The following OTUD7A variants were observed in gnomAD, a reference collection of about 807,000 sequenced individuals.
OTUD7A encodes OTU domain-containing protein 7A.
In OTUD7A, 12 loss-of-function variants were observed where a neutral mutation model predicts 65.7. That is an observed-to-expected ratio of 0.18 (90% confidence interval 0.12 to 0.30). The LOEUF is 0.30. Among genes scored for constraint, OTUD7A ranks in the 10% least tolerant of loss-of-function variants. The probability of loss-of-function intolerance (pLI) is 1.00; values close to 1 mark genes in which losing one functional copy is unlikely to be tolerated. For synonymous variants in OTUD7A, 641 were observed against 586.3 expected (o/e 1.09, Z -1.35); for missense variants, 1,148 against 1,304.8 (o/e 0.88, Z 1.85).
intron 1 of OTUD7A, among the ~76,000 whole-genome samples, chr15:31,838,682 T>C (rs996181291): frequency 7.1e-6 from 1 of 141,412 alleles, no homozygotes; most frequent in African/African-American, 2.6e-5. Flanking sequence ...TCCTAAGTGA[T>C]CTTGAGGGAC....
intron 5 of OTUD7A, among the ~76,000 whole-genome samples, chr15:31,550,103 GAAAA>G (rs11413883): frequency 1.6e-5 from 2 of 127,230 alleles, no homozygotes; most frequent in Non-Finnish European, 1.6e-5. Context: ...CTGTCTCCAG[GAAAA>G]AAAAAAAAAA....
intron 8 of OTUD7A, among the ~76,000 whole-genome samples, chr15:31,510,615 T>C (rs1217551732): frequency 6.2e-5 from 1 of 16,056 alleles, no homozygotes; most frequent in African/African-American, 1.3e-4. Flanking sequence ...AACATACATA[T>C]GTATATCTAT....
chr15:31,809,706 G>A (rs12916029), intron 1 of OTUD7A, among the ~76,000 whole-genome samples: 2 of 152,016 alleles, frequency 1.3e-5, no homozygotes, highest in Non-Finnish European at 2.9e-5. Flanking sequence ...GATGGGTCAA[G>A]CCTTTACACC....
At position 31,484,767 on chromosome 15, in the gene OTUD7A, A is replaced by G. The variant is rs1238859372; in HGVS notation, c.1372-43T>C. ...GCCGGATCGAAGGTGGTTAGAGAAG[A>G]GCTGTCCACGCGCCAGCGAGGAAGA... On this transcript the variant is annotated intron_variant, in intron 12 of 12. Coordinates refer to ENST00000307050, the MANE Select transcript of OTUD7A (RefSeq NM_001382637.1). This position sits in a 1 kb window ranked among gnomAD's most constrained non-coding sequence, Gnocchi z 4.5. The G allele has an allele frequency of 6.3e-7, 1 of 1,577,624 alleles. No individual in the cohort carries two copies. Among genetic ancestry groups the G allele is most frequent in the South Asian group, 1.1e-5 (1 of 87,940 alleles).
intron 10 of OTUD7A, among the ~76,000 whole-genome samples, chr15:31,499,870 C>G (rs1210863858): frequency 7.2e-5 from 11 of 152,236 alleles, no homozygotes; most frequent in Non-Finnish European, 1.6e-4. Context: ...AGTGAAACCA[C>G]CCACAACTCT....
intron 1 of OTUD7A, among the ~76,000 whole-genome samples, chr15:31,682,404 A>G (rs1302457775): frequency 6.6e-6 from 1 of 152,238 alleles, no homozygotes; most frequent in Non-Finnish European, 1.5e-5. Context: ...AAATCTATAT[A>G]GAAAGATAAA....
chr15:31,578,636 C>CT (rs1416414353), intron 3 of OTUD7A, among the ~76,000 whole-genome samples: 9 of 152,034 alleles, frequency 5.9e-5, no homozygotes, highest in Non-Finnish European at 1.3e-4. Context: ...ACTGCAATCT[C>CT]TGCCTCCCAG....
chr15:31,846,813 T>C (rs1237287030), intron 1 of OTUD7A, among the ~76,000 whole-genome samples: 1 of 152,250 alleles, frequency 6.6e-6, no homozygotes, highest in Non-Finnish European at 1.5e-5. Flanking sequence ...TTTTTTCGCA[T>C]ATATGATTAT....
At chr15:31,649,356 T>C (rs572437866) in intron 3 of OTUD7A, among the ~76,000 whole-genome samples, 4 of 152,334 alleles carry the variant, frequency 2.6e-5, no homozygotes, top group South Asian at 4.1e-4. Flanking sequence ...CTTTCTCTTA[T>C]TGGCCTCCCT....
intron 1 of OTUD7A, among the ~76,000 whole-genome samples, chr15:31,661,179 G>A (rs1892153704): frequency 6.6e-6 from 1 of 152,196 alleles, no homozygotes; most frequent in African/African-American, 2.4e-5. Flanking sequence ...CTCCTAGTAT[G>A]GAAAGATGGA....
At chr15:31,533,382 T>C (rs561113520) in intron 5 of OTUD7A, among the ~76,000 whole-genome samples, 16 of 152,032 alleles carry the variant, frequency 1.1e-4, no homozygotes, top group African/African-American at 3.9e-4. Context: ...GACACAGACA[T>C]GCACCACCAA....
chr15:31,577,819 TAA>T (rs36055987), intron 3 of OTUD7A, among the ~76,000 whole-genome samples: 5 of 141,174 alleles, frequency 3.5e-5, no homozygotes, highest in Non-Finnish European at 1.5e-5. Flanking sequence ...TTGATTCCAG[TAA>T]AAAAAAAAAA....
intron 3 of OTUD7A, among the ~76,000 whole-genome samples, chr15:31,571,159 T>C (rs979196792): frequency 3.3e-5 from 5 of 152,184 alleles, no homozygotes; most frequent in East Asian, 1.9e-4. Flanking sequence ...AATATACATA[T>C]TGATGTATGT....
intron 3 of OTUD7A, among the ~76,000 whole-genome samples, chr15:31,602,991 C>T (rs1890127683): frequency 6.6e-6 from 1 of 152,116 alleles, no homozygotes. Flanking sequence ...TAGGAAGAAA[C>T]AATATCATGA....
chr15:31,510,048 C>T (rs1304890896), intron 8 of OTUD7A, among the ~76,000 whole-genome samples: 4 of 149,654 alleles, frequency 2.7e-5, no homozygotes, highest in African/African-American at 9.8e-5. Context: ...GGACGGGCCC[C>T]GCCTGCATGT....
chr15:31,582,984 T>C (rs189664631), intron 3 of OTUD7A, among the ~76,000 whole-genome samples: 3 of 152,250 alleles, frequency 2.0e-5, no homozygotes, highest in Admixed American at 6.5e-5. Context: ...GGAAGTTGCA[T>C]GTACATATGA....
In OTUD7A at chr15:31,780,297, A is replaced by AT. The variant is rs1161581721; in HGVS notation, c.-100+90209dup. 2.7e-5 allele frequency among the ~76,000 whole-genome samples: 4 copies of AT among 149,300 alleles called. No homozygotes were observed. In the East Asian group the frequency reaches 8.9e-4, roughly 33 times the overall value. ...GTATTTTATTTACATGTATATATGCATTTTTAAAATGGGGCTTCTTCTACA... is the reference window on the plus strand; with the variant it reads ...GTATTTTATTTACATGTATATATGCATTTTTTAAAATGGGGCTTCTTCTACA... On this transcript the variant is annotated intron_variant, in intron 1 of 12. Transcript: ENST00000307050.
At chr15:31,687,499 C>A (rs1307111242) in intron 1 of OTUD7A, among the ~76,000 whole-genome samples, 1 of 152,230 alleles carries the variant, frequency 6.6e-6, no homozygotes, top group East Asian at 1.9e-4. Context: ...AGGCCAGCCA[C>A]AGGCTGTACC....
intron 1 of OTUD7A, chr15:31,787,529 G>C (rs1036158000): frequency 7.2e-5 from 11 of 152,228 alleles, no homozygotes; most frequent in African/African-American, 2.4e-4. Flanking sequence ...ATAGTGGAGA[G>C]GTACCCTATG....
Sources: allele counts gnomAD v4.1 joint callset (sites outside exome capture counted in the v4.1 genomes callset), GRCh38; gene constraint gnomAD v4.1.1; non-coding constraint Gnocchi (gnomAD v3.1); transcripts MANE v1.5; gene names NCBI Gene and HGNC (gene_info 2026-07-23, HGNC 2026-07-21).